The following MCTP1 variants were observed in gnomAD, a reference collection of about 807,000 sequenced individuals.
The protein encoded by MCTP1 is multiple C2 and transmembrane domain containing 1, also known as multiple C2 and transmembrane domain-containing protein 1.
Under a neutral mutation model 120.6 loss-of-function variants are expected in MCTP1, and 69 were observed. That is an observed-to-expected ratio of 0.57 (90% CI 0.47 to 0.70). MCTP1 has a LOEUF of 0.70. Ranked by LOEUF, MCTP1 falls within the 30% of genes least tolerant of loss-of-function variation. The pLI is 0.00. For synonymous variants in MCTP1, 529 were observed against 493.1 expected, an observed-to-expected ratio of 1.07 and a Z score of -0.96; for missense variants, 1,203 against 1,248.8, an observed-to-expected ratio of 0.96 and a Z score of 0.55.
intron 1 of MCTP1, among the ~76,000 whole-genome samples, chr5:95,181,170 C>G (rs1219682805): frequency 6.6e-6 from 1 of 152,218 alleles, no homozygotes; most frequent in Admixed American, 6.5e-5. Context: ...AATCACATCA[C>G]TCCTCTGATT....
chr5:94,879,368 C>T (rs971335681), intron 12 of MCTP1, among the ~76,000 whole-genome samples: 1 of 151,868 alleles, frequency 6.6e-6, no homozygotes, highest in African/African-American at 2.4e-5. Context: ...ATTTAGCATC[C>T]CCAACCCCAG....
At chr5:95,229,574 C>G (rs138028450) in intron 1 of MCTP1, among the ~76,000 whole-genome samples, 2,303 of 152,032 alleles carry the variant, frequency 0.015, 30 homozygotes, top group Middle Eastern at 0.031. Context: ...TGGTGAAACC[C>G]CATCTCTACT....
In MCTP1 at chr5:94,901,736, G is replaced by A. The variant is rs577273310; in HGVS notation, c.1653-6901C>T. Among the ~76,000 whole-genome samples, 10 of 152,118 alleles carry A rather than the reference G, an allele frequency of 6.6e-5. No homozygotes were observed. The East Asian group carries it at 1.9e-3, about 29-fold the overall frequency. On this transcript the variant is annotated intron_variant, in intron 10 of 22. Transcript: ENST00000515393. ...GAAAAATCTCAGTGTTCTGATCACC[G>A]TTTTTCTCCCCTGCCTTTCCATCTG... is the stretch of plus-strand genomic sequence containing the variant.
At chr5:94,948,828 G>A (rs1167533479) in intron 3 of MCTP1, among the ~76,000 whole-genome samples, 9 of 152,094 alleles carry the variant, frequency 5.9e-5, no homozygotes, top group African/African-American at 2.2e-4. Flanking sequence ...TAACTCTCGT[G>A]TACAACCAGG....
intron 1 of MCTP1, among the ~76,000 whole-genome samples, chr5:95,135,562 G>A (rs895821185): frequency 2.6e-5 from 4 of 152,182 alleles, no homozygotes; most frequent in South Asian, 2.1e-4. Context: ...AGCTGCCATC[G>A]AATATAAAGC....
In MCTP1 at chr5:95,134,992, C is replaced by CAA. The variant is rs70978170; in HGVS notation, c.721-117510_721-117509dup. On this transcript the variant is annotated intron_variant, in intron 1 of 22. Transcript: ENST00000515393. ...TCTCGATTTACTGTTGCCTGATGGC[C>CAA]AAAAAAAAAAAAAAAAAAAAAAAAA... Among the ~76,000 whole-genome samples, 37 of 35,336 alleles carry CAA rather than the reference C, an allele frequency of 1.0e-3. 7 individuals are homozygous for CAA. The highest frequency in any genetic ancestry group is 5.4e-3 in the South Asian group (2 of 370). 23.2% of individuals were successfully genotyped at this position (35,336 alleles called of 152,430 possible).
intron 1 of MCTP1, among the ~76,000 whole-genome samples, chr5:95,239,544 T>G (rs1582630167): frequency 6.6e-6 from 1 of 152,070 alleles, no homozygotes; most frequent in Non-Finnish European, 1.5e-5. Context: ...GAAACAGGAG[T>G]CATTCCTAGA....
intron 7 of MCTP1, among the ~76,000 whole-genome samples, chr5:94,920,675 A>G (rs62365752): frequency 0.13 from 19,366 of 151,582 alleles, 1,596 homozygotes; most frequent in Middle Eastern, 0.18. Context: ...CCGGGAGGCG[A>G]AGCTTATAGT....
At chr5:95,120,463 G>T (rs1758140963) in intron 1 of MCTP1, among the ~76,000 whole-genome samples, 1 of 152,050 alleles carries the variant, frequency 6.6e-6, no homozygotes. Flanking sequence ...GAATTCAACA[G>T]TACATTATGA....
intron 5 of MCTP1, among the ~76,000 whole-genome samples, chr5:94,939,585 G>T (rs562268412): frequency 6.6e-6 from 1 of 151,964 alleles, no homozygotes; most frequent in East Asian, 1.9e-4. Context: ...CTGAAAAATG[G>T]GTAATATCAA....
At chr5:94,745,764 C>A (rs777934890) in intron 19 of MCTP1, among the ~76,000 whole-genome samples, 1 of 152,136 alleles carries the variant, frequency 6.6e-6, no homozygotes, top group African/African-American at 2.4e-5. Context: ...ACAAAGTGCT[C>A]GGCTGCAAGC....
At chr5:94,889,750 CCA>C (rs750983646) in intron 11 of MCTP1, among the ~76,000 whole-genome samples, 3,504 of 145,524 alleles carry the variant, frequency 0.024, 97 homozygotes, top group African/African-American at 0.069. Context: ...TGAATGTACA[CCA>C]CACACACACA....
chr5:94,893,420 T>C lies in MCTP1; in HGVS notation c.1839+1229A>G, dbSNP rs765525749. On this transcript the variant is annotated intron_variant, in intron 11 of 22. Transcript: ENST00000515393. ...TTTTGGTGGATACCACAGTGTAAAA[T>C]AATCTTCATAACTGCAATTATATAT... Among the ~76,000 whole-genome samples the C allele has an allele frequency of 1.8e-4, 27 of 152,332 alleles. No individual in the cohort carries two copies. In the South Asian group the frequency reaches 3.1e-3, roughly 18 times the overall value.
rs116040610 is a variant in MCTP1, at chr5:95,187,611, G to A, written c.720+96245C>T. 9.9e-3 allele frequency among the ~76,000 whole-genome samples: 1,511 copies of A among 152,152 alleles called. 15 individuals are homozygous for A. Among genetic ancestry groups the A allele is most frequent in the Middle Eastern group, 0.02 (6 of 294 alleles). ...GAGATAGGGTTTCACCATGTTAGCC[G>A]GGATGGTTGTGATCTCCTGACCTCG... On this transcript the variant is annotated intron_variant, in intron 1 of 22. Coordinates refer to ENST00000515393, the MANE Select transcript of MCTP1 (RefSeq NM_024717.7).
intron 1 of MCTP1, among the ~76,000 whole-genome samples, chr5:95,038,573 A>G (rs1581970258): frequency 6.6e-6 from 1 of 152,146 alleles, no homozygotes; most frequent in Admixed American, 6.5e-5. Context: ...ATGGAGAGGG[A>G]AAGAGTAACC....
At chr5:94,980,554 G>T (rs1399761650) in intron 2 of MCTP1, among the ~76,000 whole-genome samples, 8 of 152,030 alleles carry the variant, frequency 5.3e-5, no homozygotes, top group African/African-American at 1.2e-4. Flanking sequence ...TTTTGGACAG[G>T]TATGTCATAA....
intron 1 of MCTP1, among the ~76,000 whole-genome samples, chr5:95,101,085 GA>G (rs1648483712): frequency 6.7e-6 from 1 of 150,228 alleles, no homozygotes; most frequent in South Asian, 2.1e-4. Flanking sequence ...TAATTAGAAA[GA>G]AAGTAAAAAA....
At chr5:95,108,121 C>T (rs1461229305) in intron 1 of MCTP1, among the ~76,000 whole-genome samples, 2 of 152,172 alleles carry the variant, frequency 1.3e-5, no homozygotes, top group Admixed American at 1.3e-4. Context: ...AATCTGTGCT[C>T]GGCATTCTCC....
intron 19 of MCTP1, among the ~76,000 whole-genome samples, chr5:94,761,710 C>T (rs959259675): frequency 2.0e-5 from 3 of 152,138 alleles, no homozygotes; most frequent in African/African-American, 7.2e-5. Flanking sequence ...TATCTCCAAT[C>T]CCATAGATTC....
Sources: allele counts gnomAD v4.1 joint callset (sites outside exome capture counted in the v4.1 genomes callset), GRCh38; gene constraint gnomAD v4.1.1; transcripts MANE v1.5; gene names NCBI Gene and HGNC (gene_info 2026-07-23, HGNC 2026-07-21).